TASP1: variants seen among roughly 807,000 people sequenced by gnomAD.
TASP1 encodes the protein threonine aspartase 1.
Under a neutral mutation model 56.6 loss-of-function variants are expected in TASP1, and 16 were observed. The ratio of observed to expected loss-of-function variants is 0.28; its 90% CI spans 0.19 to 0.43. TASP1 has a LOEUF of 0.43. Among genes scored for constraint, TASP1 ranks in the 20% least tolerant of loss-of-function variants. The probability of loss-of-function intolerance (pLI) is 1.00; values close to 1 mark genes in which losing one functional copy is unlikely to be tolerated. For missense variants in TASP1, 393 were observed against 511.6 expected, an observed-to-expected ratio of 0.77 and a Z score of 2.24; for synonymous variants, 179 against 184.2, an observed-to-expected ratio of 0.97 and a Z score of 0.23.
the TASP1 span, among the ~76,000 whole-genome samples, chr20:13,205,698 G>A: frequency 8.5e-5 from 13 of 152,224 alleles, no homozygotes; most frequent in African/African-American, 3.1e-4. Context: ...CCCCACCTCC[G>A]AATGCCATCA....
intron 12 of TASP1, among the ~76,000 whole-genome samples, chr20:13,430,941 C>T (rs891684110): frequency 1.5e-4 from 23 of 152,270 alleles, no homozygotes; most frequent in East Asian, 9.7e-4. Context: ...GTCTACATAA[C>T]GGCTTCCAGG....
chr20:13,246,985 C>T, the TASP1 span, among the ~76,000 whole-genome samples: 1 of 152,038 alleles, frequency 6.6e-6, no homozygotes, highest in African/African-American at 2.4e-5. Context: ...CCTGTAATCC[C>T]AGCACTTTGG....
chr20:13,307,726 T>C, the TASP1 span, among the ~76,000 whole-genome samples: 3 of 152,228 alleles, frequency 2.0e-5, no homozygotes, highest in Non-Finnish European at 2.9e-5. Context: ...TTGCTCAATA[T>C]TGGATTGTGA....
intron 6 of TASP1, among the ~76,000 whole-genome samples, chr20:13,572,138 G>A (rs1013956132): frequency 2.6e-5 from 4 of 151,978 alleles, no homozygotes; most frequent in Non-Finnish European, 5.9e-5. Flanking sequence ...TAAAAGCTTC[G>A]AGCTTCATAA....
At chr20:13,222,194 C>G in the TASP1 span, among the ~76,000 whole-genome samples, 1 of 152,024 alleles carries the variant, frequency 6.6e-6, no homozygotes, top group African/African-American at 2.4e-5. Flanking sequence ...TGGGAAGGAG[C>G]GAGGTTTGGG....
In TASP1 at chr20:13,389,962, C is replaced by T. The variant is rs923718410; in HGVS notation, c.*398G>A. ...CTTCAGTTCTGACATATCACATCAG[C>T]GACAGTTGGTACCTCTTTACGAAAT... On this transcript the variant is annotated 3_prime_UTR_variant, in exon 14 of 14. Coordinates refer to ENST00000337743, the MANE Select transcript of TASP1 (RefSeq NM_017714.3). 7.6e-5 allele frequency: 14 copies of T among 184,656 alleles called. No homozygotes were observed. The highest frequency in any genetic ancestry group is 6.3e-4 in the South Asian group (6 of 9,494). 11.4% of individuals were successfully genotyped at this position (184,656 alleles called of 1,614,324 possible).
the TASP1 span, among the ~76,000 whole-genome samples, chr20:13,304,338 G>A: frequency 6.6e-6 from 1 of 152,140 alleles, no homozygotes; most frequent in Non-Finnish European, 1.5e-5. Context: ...GGCTCTGGGT[G>A]GAATCAAAGT....
chr20:13,499,754 C>CAA (rs112406674), intron 10 of TASP1, among the ~76,000 whole-genome samples: 2 of 151,352 alleles, frequency 1.3e-5, no homozygotes, highest in Non-Finnish European at 2.9e-5. Context: ...TTATTTAAGC[C>CAA]AAAAAAATGT....
At chr20:13,572,843 G>A (rs568957178) in intron 6 of TASP1, among the ~76,000 whole-genome samples, 4 of 152,202 alleles carry the variant, frequency 2.6e-5, no homozygotes, top group Admixed American at 6.5e-5. Flanking sequence ...TCATGGATGC[G>A]AACCTCCCAT....
the TASP1 span, among the ~76,000 whole-genome samples, chr20:13,187,911 G>A: frequency 1.3e-3 from 192 of 152,040 alleles, no homozygotes; most frequent in South Asian, 3.1e-3. Flanking sequence ...AAATTTATAC[G>A]TTGCCAGTGT....
intron 10 of TASP1, among the ~76,000 whole-genome samples, chr20:13,515,369 T>A (rs2044482658): frequency 6.6e-6 from 1 of 151,934 alleles, no homozygotes; most frequent in African/African-American, 2.4e-5. Flanking sequence ...ATGTGATGGG[T>A]GTTGCACAGC....
At position 13,459,104 on chromosome 20, in the gene TASP1, G is replaced by A. The variant is rs138672952; in HGVS notation, c.986-23950C>T. On this transcript the variant is annotated intron_variant, in intron 11 of 13. Coordinates refer to ENST00000337743, the MANE Select transcript of TASP1 (RefSeq NM_017714.3). ...AGATTTATGCCCCTGGCTGATATCC[G>A]TCCTGTCATAATACCTAGTTGACTT... 3.6e-3 allele frequency among the ~76,000 whole-genome samples: 542 copies of A among 152,114 alleles called. 3 individuals are homozygous for A. The highest frequency in any genetic ancestry group is 5.8e-3 in the Non-Finnish European group (391 of 67,974).
chr20:13,266,978 C>A, the TASP1 span, among the ~76,000 whole-genome samples: 3 of 152,154 alleles, frequency 2.0e-5, no homozygotes, highest in Non-Finnish European at 4.4e-5. Flanking sequence ...GAAAGGTTTT[C>A]TTCTGCATTA....
intron 4 of TASP1, among the ~76,000 whole-genome samples, chr20:13,604,695 T>C (rs1367719974): frequency 6.6e-6 from 1 of 152,064 alleles, no homozygotes; most frequent in Non-Finnish European, 1.5e-5. Flanking sequence ...ACAGTAGCCA[T>C]TAGGGAAATG....
chr20:13,275,023 G>GCAGC, the TASP1 span, among the ~76,000 whole-genome samples: 40 of 152,190 alleles, frequency 2.6e-4, no homozygotes, highest in Non-Finnish European at 5.4e-4. Context: ...TTTTCAGTCT[G>GCAGC]CAGCTGATAG....
At chr20:13,581,447 T>A (rs2047122109) in intron 5 of TASP1, among the ~76,000 whole-genome samples, 1 of 151,986 alleles carries the variant, frequency 6.6e-6, no homozygotes, top group Non-Finnish European at 1.5e-5. Context: ...AGAGAAAAAT[T>A]AATGGGGGAA....
rs1169067632 is a variant in TASP1 at position 13,534,038 on chromosome 20, G to T, written c.779C>A (p.Pro260Gln). 1 of 1,613,024 alleles carries T rather than the reference G, an allele frequency of 6.2e-7. No homozygotes were observed. Among genetic ancestry groups the T allele is most frequent in the African/African-American group, 1.3e-5 (1 of 74,898 alleles). The change falls in exon 9 of 14, where the codon CCG becomes CAG. Residue 260 changes from proline (P) to glutamine (Q), a missense_variant. Pro to Gln is a moderately conservative substitution (Grantham distance 76). Transcript: ENST00000337743. ...ATTACTTACCTGCCCAACTCTCCCCGGATGTTTCAAGGCCAAGCCTCCACT... is the reference window on the plus strand; with the variant it reads ...ATTACTTACCTGCCCAACTCTCCCCTGATGTTTCAAGGCCAAGCCTCCACT... The part of the protein sequence containing the change: ...VSSGGLALKH[P>Q]GRVGQAALYG...
At chr20:13,393,608 T>A in intron 13 of TASP1, 1 of 1,110,216 alleles carries the variant, frequency 9.0e-7, no homozygotes, top group Non-Finnish European at 1.4e-6. Flanking sequence ...TTTCCTGGTG[T>A]GACAACGAAT....
chr20:13,373,456 G>GT, the TASP1 span, among the ~76,000 whole-genome samples: 40,135 of 143,286 alleles, frequency 0.28, 6,608 homozygotes, highest in African/African-American at 0.46. Context: ...AATTCTTTCA[G>GT]TTTTTTTTTT....
Sources: allele counts gnomAD v4.1 joint callset (sites outside exome capture counted in the v4.1 genomes callset), GRCh38; gene constraint gnomAD v4.1.1; transcripts MANE v1.5; gene names NCBI Gene and HGNC (gene_info 2026-07-23, HGNC 2026-07-21).